CSMD3: variants seen among roughly 807,000 people sequenced by gnomAD.
CSMD3 encodes the protein CUB and sushi domain-containing protein 3.
Under a neutral mutation model 435.2 loss-of-function variants are expected in CSMD3, and 177 were observed. The ratio of observed to expected loss-of-function variants is 0.41; its 90% CI spans 0.36 to 0.46. CSMD3 has a LOEUF of 0.46. CSMD3 is among the 20% of genes least tolerant of loss of function. The probability of loss-of-function intolerance (pLI) is 0.34; values close to 1 mark genes in which losing one functional copy is unlikely to be tolerated. For synonymous variants in CSMD3, 1,656 were observed against 1,520.5 expected (o/e 1.09, Z -2.07); for missense variants, 4,265 against 4,504.6 (o/e 0.95, Z 1.52).
chr8:112,783,751 T>G (rs962471373), intron 13 of CSMD3, among the ~76,000 whole-genome samples: 1 of 151,622 alleles, frequency 6.6e-6, no homozygotes, highest in Non-Finnish European at 1.5e-5. Flanking sequence ...TGGAAAAAGA[T>G]ATTCCATGCA....
chr8:112,410,495 A>AATATATATATATATATAT (rs4029455), intron 32 of CSMD3, among the ~76,000 whole-genome samples: 1 of 122,736 alleles, frequency 8.1e-6, no homozygotes, highest in Admixed American at 9.2e-5. Flanking sequence ...AAATACTCCA[A>AATATATATATATATATAT]ATATATATAT....
chr8:112,993,147 C>T (rs1276105600), intron 6 of CSMD3, among the ~76,000 whole-genome samples: 1 of 151,608 alleles, frequency 6.6e-6, no homozygotes, highest in Non-Finnish European at 1.5e-5. Context: ...AAAAAATATC[C>T]AAATGGCTAA....
At position 112,877,571 on chromosome 8, in the gene CSMD3, A is replaced by T. The variant is rs539339206; in HGVS notation, c.1634-18305T>A. Among the ~76,000 whole-genome samples the T allele has an allele frequency of 8.0e-4, 121 of 152,198 alleles. 1 individual carries two copies. Among genetic ancestry groups the T allele is most frequent in the Non-Finnish European group, 1.4e-3 (94 of 67,994 alleles). On this transcript the variant is annotated intron_variant, in intron 10 of 70. Coordinates refer to ENST00000297405, the MANE Select transcript of CSMD3 (RefSeq NM_198123.2). ...GCATGAGCCACCATGTCTGACCTTAAATTTCATATGGAACCAAAAAAGAGT... is the reference window on the plus strand; with the variant it reads ...GCATGAGCCACCATGTCTGACCTTATATTTCATATGGAACCAAAAAAGAGT...
At chr8:113,191,863 T>C (rs548064047) in intron 3 of CSMD3, among the ~76,000 whole-genome samples, 1 of 151,904 alleles carries the variant, frequency 6.6e-6, no homozygotes, top group South Asian at 2.1e-4. Flanking sequence ...TAGTTTGCAT[T>C]CCCTCCAATG....
intron 18 of CSMD3, among the ~76,000 whole-genome samples, chr8:112,654,508 G>C (rs1468471992): frequency 6.6e-6 from 1 of 152,174 alleles, no homozygotes; most frequent in Non-Finnish European, 1.5e-5. Flanking sequence ...TCAGCTCTCA[G>C]CTTCCACTTT....
chr8:112,376,660 A>T lies in CSMD3; in HGVS notation c.6136+3692T>A, dbSNP rs555400238. 2.0e-5 allele frequency among the ~76,000 whole-genome samples: 3 copies of T among 152,238 alleles called. No homozygotes were observed. The East Asian group carries it at 5.8e-4, about 29-fold the overall frequency. ...CAAAACATATGCACACCTAGATTCT[A>T]AACCCCATTATGGACACCAGCATCA... On this transcript the variant is annotated intron_variant, in intron 38 of 70. Coordinates refer to ENST00000297405, the MANE Select transcript of CSMD3 (RefSeq NM_198123.2).
intron 23 of CSMD3, among the ~76,000 whole-genome samples, chr8:112,582,126 C>T (rs749161556): frequency 6.6e-6 from 1 of 151,972 alleles, no homozygotes; most frequent in Non-Finnish European, 1.5e-5. Context: ...TGGTTTAGCA[C>T]CATCCCATTG....
At chr8:112,254,390 G>GA in intron 62 of CSMD3, 64 bp from the exon 63 acceptor site, 1 of 1,109,912 alleles carries the variant, frequency 9.0e-7, no homozygotes, top group Non-Finnish European at 1.4e-6. Flanking sequence ...TTCTCTCACA[G>GA]AAAACAATTT....
At chr8:112,788,487 G>C (rs2078609867) in intron 13 of CSMD3, among the ~76,000 whole-genome samples, 1 of 151,974 alleles carries the variant, frequency 6.6e-6, no homozygotes. Context: ...CACCGCCTCT[G>C]GAAATCTTTC....
chr8:112,582,752 A>T (rs1830427938), intron 23 of CSMD3, among the ~76,000 whole-genome samples: 1 of 151,992 alleles, frequency 6.6e-6, no homozygotes, highest in Admixed American at 6.6e-5. Flanking sequence ...AGGTGATGGT[A>T]TTAGGAAGTG....
At chr8:113,361,674 C>A (rs1368144004) in intron 1 of CSMD3, among the ~76,000 whole-genome samples, 4 of 151,052 alleles carry the variant, frequency 2.6e-5, no homozygotes, top group Non-Finnish European at 4.4e-5. Flanking sequence ...ACAAATATAA[C>A]CTTAATAACA....
chr8:112,573,301 G>A (rs956442413), intron 24 of CSMD3, among the ~76,000 whole-genome samples, 200 bp downstream of exon 24: 3 of 152,140 alleles, frequency 2.0e-5, no homozygotes, highest in African/African-American at 4.8e-5. Flanking sequence ...AAACTGAGTC[G>A]TTTCAACTGT....
rs371750574 is a variant in CSMD3, at chr8:112,506,688, C to T, written c.4895+3G>A. The T allele has an allele frequency of 4.3e-6, 7 of 1,613,320 alleles. No homozygotes were observed. The highest frequency in any genetic ancestry group is 2.2e-5 in the East Asian group (1 of 44,846). The stretch of plus-strand genomic sequence containing the variant: ...ACGTGGAAATAAATATATAAGAACT[C>T]ACCTGATGAACGCCAAGGAGATAAC... On this transcript the variant is annotated splice_donor_region_variant and intron_variant, in intron 29 of 70. Coordinates refer to ENST00000297405, the MANE Select transcript of CSMD3 (RefSeq NM_198123.2).
intron 11 of CSMD3, among the ~76,000 whole-genome samples, chr8:112,846,132 T>A (rs2080310670): frequency 6.6e-6 from 1 of 152,028 alleles, no homozygotes; most frequent in Non-Finnish European, 1.5e-5. Flanking sequence ...TTGATACTTT[T>A]TTTGTTAGTA....
intron 1 of CSMD3, among the ~76,000 whole-genome samples, chr8:113,374,990 T>A (rs182707438): frequency 7.9e-5 from 12 of 152,212 alleles, no homozygotes; most frequent in African/African-American, 2.9e-4. Flanking sequence ...CAAGATGGCA[T>A]ATAAAACAAC....
At chr8:113,429,406 T>C (rs1488265775) in intron 1 of CSMD3, among the ~76,000 whole-genome samples, 1 of 151,946 alleles carries the variant, frequency 6.6e-6, no homozygotes. Context: ...TTATAAGAAA[T>C]AAATAAAAAT....
intron 35 of CSMD3, among the ~76,000 whole-genome samples, chr8:112,405,213 C>CATAGATA (rs1439544983): frequency 5.6e-5 from 1 of 17,888 alleles, no homozygotes; most frequent in Admixed American, 8.1e-4. Flanking sequence ...AAAAAAACCC[C>CATAGATA]CATATATATA....
At chr8:113,349,330 G>A (rs2132898122) in intron 1 of CSMD3, among the ~76,000 whole-genome samples, 1 of 152,218 alleles carries the variant, frequency 6.6e-6, no homozygotes, top group East Asian at 1.9e-4. Context: ...TGGCTATAAA[G>A]TTTATGTCTT....
intron 4 of CSMD3, among the ~76,000 whole-genome samples, chr8:113,152,038 T>C (rs962621077): frequency 1.3e-5 from 2 of 151,912 alleles, no homozygotes; most frequent in African/African-American, 4.8e-5. Flanking sequence ...TGAGGCAATA[T>C]AGGTGTCCAG....
Sources: allele counts gnomAD v4.1 joint callset (sites outside exome capture counted in the v4.1 genomes callset), GRCh38; gene constraint gnomAD v4.1.1; transcripts MANE v1.5; gene names NCBI Gene and HGNC (gene_info 2026-07-23, HGNC 2026-07-21).